The following EYS variants were observed in gnomAD, a reference collection of about 807,000 sequenced individuals.
The protein encoded by EYS is EGF-like photoreceptor maintenance factor, also known as protein eyes shut homolog.
EYS carries 250 observed loss-of-function variants against 282.1 expected under a neutral mutation model. The observed-to-expected ratio is 0.89, with a 90% CI of 0.80 to 0.98. The LOEUF (loss-of-function observed/expected upper bound fraction) is 0.98. Among genes scored for constraint, EYS ranks in the 50% least tolerant of loss-of-function variants. EYS has a pLI of 0.00. For missense variants in EYS, 4,016 were observed against 3,709.0 expected, an observed-to-expected ratio of 1.08 and a Z score of -2.15; for synonymous variants, 1,355 against 1,282.9, an observed-to-expected ratio of 1.06 and a Z score of -1.20.
chr6:64,685,417 G>C (rs1175707205), intron 22 of EYS, among the ~76,000 whole-genome samples: 4 of 152,100 alleles, frequency 2.6e-5, no homozygotes, highest in Non-Finnish European at 4.4e-5. Context: ...GTTGAAGTTG[G>C]GATCTGATGG....
intron 1 of EYS, among the ~76,000 whole-genome samples, chr6:65,665,999 G>A (rs932821512): frequency 6.6e-6 from 1 of 151,472 alleles, no homozygotes; most frequent in African/African-American, 2.4e-5. Context: ...AGGAAGTTCT[G>A]ATTTGTCAGT....
chr6:64,973,890 G>T (rs964903309), intron 14 of EYS, among the ~76,000 whole-genome samples: 2 of 151,758 alleles, frequency 1.3e-5, no homozygotes, highest in Non-Finnish European at 2.9e-5. Context: ...GATAAACATA[G>T]ATAAGTCAAA....
intron 19 of EYS, among the ~76,000 whole-genome samples, chr6:64,841,138 C>T (rs896610058): frequency 6.6e-6 from 1 of 151,892 alleles, no homozygotes; most frequent in East Asian, 1.9e-4. Flanking sequence ...ATAGTAAGAT[C>T]CCAGAAACCT....
chr6:63,839,421 C>T (rs11754826), intron 36 of EYS, among the ~76,000 whole-genome samples: 18,259 of 152,094 alleles, frequency 0.12, 1,300 homozygotes, highest in African/African-American at 0.19. Flanking sequence ...GAATAGCATT[C>T]CATTGTGTAT....
At chr6:63,723,377 C>T (rs994258289) in intron 42 of EYS, among the ~76,000 whole-genome samples, 6 of 152,114 alleles carry the variant, frequency 3.9e-5, no homozygotes, top group African/African-American at 1.4e-4. Flanking sequence ...AAATTTATAG[C>T]AACCTAAATA....
At chr6:64,710,769 G>A (rs865854379) in intron 22 of EYS, among the ~76,000 whole-genome samples, 68 of 152,206 alleles carry the variant, frequency 4.5e-4, no homozygotes, top group African/African-American at 1.6e-3. Context: ...GAATATGATT[G>A]GGGCAGATTG....
At chr6:63,950,194 CAA>C (rs563256139) in intron 35 of EYS, among the ~76,000 whole-genome samples, 7 of 130,562 alleles carry the variant, frequency 5.4e-5, no homozygotes, top group African/African-American at 1.7e-4. Context: ...CAAAACAAAA[CAA>C]AAAAAAAAAA....
intron 2 of EYS, among the ~76,000 whole-genome samples, chr6:65,496,597 C>G (rs1257303414): frequency 6.6e-6 from 1 of 151,966 alleles, no homozygotes; most frequent in African/African-American, 2.4e-5. Context: ...TCTCCACTTT[C>G]AAATAGGTAC....
chr6:64,207,139 C>T (rs1053321040), intron 31 of EYS, among the ~76,000 whole-genome samples: 8 of 151,942 alleles, frequency 5.3e-5, no homozygotes, highest in Admixed American at 1.3e-4. Context: ...TGGTACTGGA[C>T]GATGGGGCCT....
In EYS at chr6:64,821,675, C is replaced by G; in HGVS notation, c.3213G>C (p.Gly1071=). ...TTTTGATCTTACATTGTGTGCTAGT[C>G]CCATCTGCATCACATGAACATGGAT... is the stretch of plus-strand genomic sequence containing the variant. ...NEYPCSCDAD[G]TSTQCKIKIN... The change falls in exon 21 of 43, where the codon GGG becomes GGC. Residue 1071 remains glycine, a synonymous_variant. Transcript: ENST00000503581. 1 of 1,521,312 alleles carries G rather than the reference C, an allele frequency of 6.6e-7. No homozygotes were observed. The highest frequency in any genetic ancestry group is 8.9e-7 in the Non-Finnish European group (1 of 1,124,684). The allele number at this position is 1,521,312 out of a possible 1,614,324, so 94.2% of individuals were successfully genotyped here.
chr6:64,074,022 C>T (rs36002796), intron 32 of EYS, among the ~76,000 whole-genome samples: 36,277 of 151,398 alleles, frequency 0.24, 4,580 homozygotes, highest in East Asian at 0.42. Context: ...AGAAGTAATG[C>T]GGTAATAGTT....
At chr6:64,124,295 G>A in intron 31 of EYS, among the ~76,000 whole-genome samples, 1 of 152,160 alleles carries the variant, frequency 6.6e-6, no homozygotes, top group South Asian at 2.1e-4. Context: ...TCTGCTCCAC[G>A]TTCTGGCCTT....
At chr6:64,249,877 AG>A (rs1159734267) in intron 30 of EYS, among the ~76,000 whole-genome samples, 1 of 152,164 alleles carries the variant, frequency 6.6e-6, no homozygotes. Context: ...TGGAAGTCAG[AG>A]GCAATGGGGA....
chr6:65,570,386 C>T (rs748832836), intron 2 of EYS, among the ~76,000 whole-genome samples: 14 of 152,134 alleles, frequency 9.2e-5, no homozygotes, highest in African/African-American at 2.2e-4. Flanking sequence ...TTTACTAGGA[C>T]GTTTTTTGGG....
At chr6:65,567,585 A>G (rs180784776) in intron 2 of EYS, among the ~76,000 whole-genome samples, 18 of 152,158 alleles carry the variant, frequency 1.2e-4, no homozygotes, top group Admixed American at 9.8e-4. Flanking sequence ...CAAGTCCAGT[A>G]AGGATTATTT....
At chr6:64,162,064 A>G (rs1032552650) in intron 31 of EYS, among the ~76,000 whole-genome samples, 1 of 152,130 alleles carries the variant, frequency 6.6e-6, no homozygotes, top group Non-Finnish European at 1.5e-5. Context: ...TGCTCTACCT[A>G]CATGCAGATT....
At position 65,335,017 on chromosome 6, in the gene EYS, G is replaced by A. The variant is rs1769931264; in HGVS notation, c.1729C>T (p.His577Tyr). ...TTDDQENECQHEAVCKDEINR... is the reference protein window; with the variant it reads ...TTDDQENECQYEAVCKDEINR... Reference sequence around the variant, plus strand: ...ATTTCATCTTTACAAACAGCTTCATGTTGACACTCATTTTCTTGATCATCA... The same window carrying A: ...ATTTCATCTTTACAAACAGCTTCATATTGACACTCATTTTCTTGATCATCA... Residue 577 changes from histidine (H) to tyrosine (Y), a missense_variant, in exon 11 of 43, where the codon CAT becomes TAT. By Grantham distance (83) the His-to-Tyr change is moderately conservative (BLOSUM62 2). Coordinates refer to ENST00000503581, the MANE Select transcript of EYS (RefSeq NM_001142800.2). 1.2e-6 allele frequency: 2 copies of A among 1,610,620 alleles called. No individual in the cohort carries two copies. Among genetic ancestry groups the A allele is most frequent in the African/African-American group, 1.3e-5 (1 of 74,820 alleles).
At chr6:64,889,425 T>G (rs918310997) in intron 18 of EYS, among the ~76,000 whole-genome samples, 4 of 151,986 alleles carry the variant, frequency 2.6e-5, no homozygotes, top group Admixed American at 2.6e-4. Flanking sequence ...CCCATAATTC[T>G]TGTTTTTTCA....
intron 30 of EYS, among the ~76,000 whole-genome samples, chr6:64,231,876 T>C (rs1320661037): frequency 6.6e-6 from 1 of 151,572 alleles, no homozygotes; most frequent in African/African-American, 2.4e-5. Flanking sequence ...GATAATTATC[T>C]TTTTAATGTA....
Sources: allele counts gnomAD v4.1 joint callset (sites outside exome capture counted in the v4.1 genomes callset), GRCh38; gene constraint gnomAD v4.1.1; transcripts MANE v1.5; gene names NCBI Gene and HGNC (gene_info 2026-07-23, HGNC 2026-07-21).